SOBP: variants seen among roughly 807,000 people sequenced by gnomAD.
The protein encoded by SOBP is sine oculis binding protein homolog, also known as sine oculis-binding protein homolog.
Under a neutral mutation model 53.6 loss-of-function variants are expected in SOBP, and 4 were observed. That is an observed-to-expected ratio of 0.07 (90% CI 0.04 to 0.17). SOBP has a LOEUF of 0.17. Among genes scored for constraint, SOBP ranks in the 10% least tolerant of loss-of-function variants. The probability of loss-of-function intolerance (pLI) is 1.00; values close to 1 mark genes in which losing one functional copy is unlikely to be tolerated. For missense variants in SOBP, 1,088 were observed against 1,204.7 expected (o/e 0.90, Z 1.43); for synonymous variants, 584 against 522.6 (o/e 1.12, Z -1.60).
rs557714796 is a variant in SOBP, at chr6:107,660,530, T to A, written c.*2327T>A. 4.3e-4 allele frequency among the ~76,000 whole-genome samples: 66 copies of A among 152,326 alleles called. 1 individual carries two copies. In the South Asian group the frequency reaches 5.2e-3, roughly 12 times the overall value. On this transcript the variant is annotated 3_prime_UTR_variant, in exon 7 of 7. Coordinates refer to ENST00000317357, the MANE Select transcript of SOBP (RefSeq NM_018013.4). ...CTGAGGTTCAAGAAGCACCATCAAA[T>A]GGAGGCAAACATGCTCCACGGGTTC...
At chr6:107,655,850 C>T (rs985114207) in intron 6 of SOBP, among the ~76,000 whole-genome samples, 1 of 152,126 alleles carries the variant, frequency 6.6e-6, no homozygotes, top group Non-Finnish European at 1.5e-5. Flanking sequence ...TATAAAGAAA[C>T]TTACTGGAGA....
rs139844837 is a variant in SOBP, at chr6:107,564,717, C to A, written c.574-22363C>A. The stretch of plus-strand genomic sequence containing the variant: ...GCTCTCAGAGCTCTATGCTTTCAGG[C>A]CGATACTTTATTTTTCAACTTGAAA... On this transcript the variant is annotated intron_variant, in intron 4 of 6. Transcript: ENST00000317357. Among the ~76,000 whole-genome samples the A allele has an allele frequency of 4.8e-3, 733 of 152,278 alleles. 6 individuals carry two copies. The highest frequency in any genetic ancestry group is 0.017 in the African/African-American group (699 of 41,556).
Position 107,490,693 on chromosome 6 carries a change from A to C in SOBP, c.77A>C (p.Glu26Ala). The change falls in exon 1 of 7, where the codon GAG becomes GCG. Residue 26 changes from glutamate to alanine, a missense_variant. Coordinates refer to ENST00000317357, the MANE Select transcript of SOBP (RefSeq NM_018013.4). ...SRKPAHPVKR[E>A]INEEMKNFAE... ...AAGCCGGCTCACCCAGTGAAAAGGG[A>C]GATCAATGAGGAGATGAAGGTATTT... The C allele has an allele frequency of 6.2e-7, 1 of 1,606,104 alleles. No homozygotes were observed. The highest frequency in any genetic ancestry group is 8.5e-7 in the Non-Finnish European group (1 of 1,175,768).
chr6:107,635,152 T>A lies in SOBP; in HGVS notation c.2308T>A (p.Ser770Thr). 6.2e-7 allele frequency: 1 copy of A among 1,610,822 alleles called. No individual in the cohort carries two copies. Among genetic ancestry groups the A allele is most frequent in the Non-Finnish European group, 8.5e-7 (1 of 1,179,358 alleles). Residue 770 changes from serine to threonine, a missense_variant, in exon 6 of 7, where the codon TCG becomes ACG. This residue lies in a region of SOBP where 665 missense variants were observed against 629.7 expected (regional missense o/e 1.06). Coordinates refer to ENST00000317357, the MANE Select transcript of SOBP (RefSeq NM_018013.4). This position sits in a 1 kb window ranked among gnomAD's most constrained non-coding sequence, Gnocchi z 4.5. ...PEEPAVSELESVKENNCASNC... is the reference protein window; with the variant it reads ...PEEPAVSELETVKENNCASNC... ...GGAACCGGCGGTGAGCGAGCTAGAG[T>A]CGGTCAAGGAGAATAACTGTGCTTC...
At chr6:107,645,479 G>A (rs1412313983) in intron 6 of SOBP, among the ~76,000 whole-genome samples, 1 of 151,936 alleles carries the variant, frequency 6.6e-6, no homozygotes, top group East Asian at 1.9e-4. Flanking sequence ...AGGGGAGGGT[G>A]TGTGGCAGGA....
intron 4 of SOBP, among the ~76,000 whole-genome samples, chr6:107,582,564 A>G (rs1785436162): frequency 6.6e-6 from 1 of 152,196 alleles, no homozygotes; most frequent in African/African-American, 2.4e-5. Flanking sequence ...AAAAAAAAAA[A>G]AAAGAAATTT....
chr6:107,510,263 A>T (rs1783130562), intron 3 of SOBP, among the ~76,000 whole-genome samples: 1 of 152,208 alleles, frequency 6.6e-6, no homozygotes. Context: ...TGGCCCACGG[A>T]CATAATTTGC....
At position 107,635,027 on chromosome 6, in the gene SOBP, G is replaced by T; in HGVS notation, c.2183G>T (p.Arg728Leu). The T allele has an allele frequency of 8.1e-7, 1 of 1,229,106 alleles. No homozygotes were observed. Among genetic ancestry groups the T allele is most frequent in the East Asian group, 3.6e-5 (1 of 27,868 alleles). 76.1% of individuals were successfully genotyped at this position (1,229,106 alleles called of 1,614,324 possible). The change falls in exon 6 of 7, where the codon CGC becomes CTC. Residue 728 changes from arginine to leucine, a missense_variant. Transcript: ENST00000317357. This position sits in a 1 kb window ranked among gnomAD's most constrained non-coding sequence, Gnocchi z 4.5. ...AACNVIVNGT[R>L]GAAAEGAKSA... ...TGCAACGTCATCGTGAACGGCACGC[G>T]CGGCGCCGCCGCCGAGGGCGCTAAG...
At chr6:107,575,555 G>A (rs1785200332) in intron 4 of SOBP, among the ~76,000 whole-genome samples, 1 of 152,116 alleles carries the variant, frequency 6.6e-6, no homozygotes, top group Non-Finnish European at 1.5e-5. Context: ...GTTCAGTGAG[G>A]GAGGGAATGG....
intron 1 of SOBP, 69 bp downstream of exon 1, chr6:107,490,781 A>G (rs1782559544): frequency 4.0e-6 from 5 of 1,249,058 alleles, no homozygotes; most frequent in South Asian, 1.3e-5. Context: ...GGGCCGTGGT[A>G]TGGATCTGGG....
At chr6:107,630,769 T>TCG (rs1770681648) in intron 5 of SOBP, among the ~76,000 whole-genome samples, 1 of 151,868 alleles carries the variant, frequency 6.6e-6, no homozygotes, top group East Asian at 1.9e-4. Context: ...TCTCTCTCTC[T>TCG]CTCTCTCTCT....
At chr6:107,507,818 G>T (rs1783041594) in intron 3 of SOBP, among the ~76,000 whole-genome samples, 1 of 151,666 alleles carries the variant, frequency 6.6e-6, no homozygotes, top group African/African-American at 2.4e-5. Context: ...TTTTAATGGA[G>T]ATCTTTCACT....
intron 6 of SOBP, among the ~76,000 whole-genome samples, chr6:107,657,799 C>T (rs550512214): frequency 6.6e-6 from 1 of 151,740 alleles, no homozygotes; most frequent in African/African-American, 2.4e-5. Flanking sequence ...GCCAGTTGCA[C>T]CACTGCACTC....
chr6:107,521,777 G>T (rs1045080476), intron 3 of SOBP, among the ~76,000 whole-genome samples: 1 of 152,048 alleles, frequency 6.6e-6, no homozygotes, highest in East Asian at 1.9e-4. Flanking sequence ...CAACACCCAA[G>T]GTGCACCTAG....
chr6:107,572,304 C>CT (rs5878919), intron 4 of SOBP, among the ~76,000 whole-genome samples: 2,206 of 140,572 alleles, frequency 0.016, 46 homozygotes, highest in African/African-American at 0.049. Context: ...AATTTGCACA[C>CT]TTTTTTTTTT....
At chr6:107,645,188 C>A (rs1771501952) in intron 6 of SOBP, among the ~76,000 whole-genome samples, 2 of 152,036 alleles carry the variant, frequency 1.3e-5, no homozygotes, top group African/African-American at 4.8e-5. Context: ...CTATGCATAG[C>A]AATAATAACT....
At chr6:107,538,303 A>G (rs955403536) in intron 4 of SOBP, among the ~76,000 whole-genome samples, 1 of 152,336 alleles carries the variant, frequency 6.6e-6, no homozygotes, top group South Asian at 2.1e-4. Flanking sequence ...CTGTTAATCT[A>G]GTGATTAACC....
At chr6:107,533,643 C>T in intron 4 of SOBP, 33 bp downstream of exon 4, 3 of 1,613,626 alleles carry the variant, frequency 1.9e-6, no homozygotes, top group Non-Finnish European at 2.5e-6. Flanking sequence ...CGGCCCCCCA[C>T]AGGCCTCACC....
rs531951493 is a variant in SOBP, at chr6:107,551,924, G to A, written c.573+18314G>A. ...TAATCCCAGCTACTTGGGAGGCTGA[G>A]GCAGGAGAATCGCTTGAACCCAGGA... On this transcript the variant is annotated intron_variant, in intron 4 of 6. Coordinates refer to ENST00000317357, the MANE Select transcript of SOBP (RefSeq NM_018013.4). 9.2e-5 allele frequency among the ~76,000 whole-genome samples: 14 copies of A among 152,262 alleles called. No individual in the cohort carries two copies. In the East Asian group the frequency reaches 2.3e-3, roughly 25 times the overall value.
Sources: gnomAD v4.1 joint callset for allele counts (sites outside exome capture counted in the v4.1 genomes callset) on GRCh38, gnomAD v4.1.1 for gene constraint, gnomAD v4.1.1 regional missense constraint, Gnocchi (gnomAD v3.1) non-coding constraint, MANE v1.5 for transcripts, NCBI Gene and HGNC (gene_info 2026-07-23, HGNC 2026-07-21) for gene names.